The following ERC1 variants were observed in gnomAD, a reference collection of about 807,000 sequenced individuals.
The protein encoded by ERC1 is ELKS/RAB6-interacting/CAST family member 1.
A neutral mutation model predicts 132.0 loss-of-function variants in ERC1; 56 were observed. The observed-to-expected ratio is 0.42, with a 90% confidence interval of 0.34 to 0.53. The LOEUF (loss-of-function observed/expected upper bound fraction) is 0.53, where lower values mean the gene tolerates loss of function less well. Among genes scored for constraint, ERC1 ranks in the 20% least tolerant of loss-of-function variants. ERC1 has a pLI of 0.03. For synonymous variants in ERC1, 478 were observed against 476.1 expected (o/e 1.00, Z -0.05); for missense variants, 1,202 against 1,349.9 (o/e 0.89, Z 1.72).
intron 5 of ERC1, 54 bp downstream of exon 5, chr12:1,110,401 T>C: frequency 1.4e-6 from 2 of 1,437,704 alleles, no homozygotes; most frequent in Non-Finnish European, 1.9e-6. Context: ...AATTGATGCA[T>C]ATTTTTTACT....
chr12:1,167,499 C>T (rs933695884), intron 8 of ERC1, among the ~76,000 whole-genome samples: 1 of 152,148 alleles, frequency 6.6e-6, no homozygotes, highest in African/African-American at 2.4e-5. Flanking sequence ...TTTCCTGCTA[C>T]ACCAGTATGT....
chr12:1,020,483 C>T (rs776157953), intron 1 of ERC1, among the ~76,000 whole-genome samples: 2 of 152,070 alleles, frequency 1.3e-5, no homozygotes, highest in Admixed American at 6.6e-5. Context: ...AAGAAACAAA[C>T]ATCTCAGATT....
At chr12:1,480,092 CT>C (rs59619383) in intron 18 of ERC1, among the ~76,000 whole-genome samples, 60,324 of 138,066 alleles carry the variant, frequency 0.44, 13,544 homozygotes, top group African/African-American at 0.63. Context: ...TGGAAAGGGG[CT>C]TTTTTTTTTT....
At chr12:1,213,202 T>C (rs1212534348) in intron 12 of ERC1, among the ~76,000 whole-genome samples, 2 of 152,216 alleles carry the variant, frequency 1.3e-5, no homozygotes, top group Admixed American at 1.3e-4. Context: ...TCTTTTGGCT[T>C]CCATTTTGAC....
chr12:1,164,389 C>G (rs929880927), intron 8 of ERC1, among the ~76,000 whole-genome samples: 4 of 151,926 alleles, frequency 2.6e-5, no homozygotes, highest in Non-Finnish European at 4.4e-5. Flanking sequence ...GTTGCCCAGC[C>G]TGGAGTGCAG....
chr12:1,415,368 C>T (rs1340083752), intron 17 of ERC1, among the ~76,000 whole-genome samples: 1 of 152,204 alleles, frequency 6.6e-6, no homozygotes, highest in Non-Finnish European at 1.5e-5. Flanking sequence ...CCTATTAGAT[C>T]AGCACTGTAG....
chr12:1,103,151 C>T (rs558729099), intron 3 of ERC1, among the ~76,000 whole-genome samples: 18 of 152,234 alleles, frequency 1.2e-4, no homozygotes, highest in African/African-American at 2.6e-4. Flanking sequence ...AACAACTAAA[C>T]CTAATACTAA....
chr12:1,463,971 C>T (rs2093692494), intron 18 of ERC1, among the ~76,000 whole-genome samples: 1 of 151,942 alleles, frequency 6.6e-6, no homozygotes, highest in African/African-American at 2.4e-5. Flanking sequence ...AGACAGGGTA[C>T]TAAGTTGGAC....
At chr12:1,132,363 G>A (rs1190997760) in intron 7 of ERC1, among the ~76,000 whole-genome samples, 2 of 152,110 alleles carry the variant, frequency 1.3e-5, no homozygotes, top group African/African-American at 4.8e-5. Flanking sequence ...TTGTATCAAA[G>A]CCTGTGTTTC....
chr12:1,451,518 G>A (rs766648751), intron 18 of ERC1, among the ~76,000 whole-genome samples: 1 of 152,080 alleles, frequency 6.6e-6, no homozygotes, highest in Non-Finnish European at 1.5e-5. Flanking sequence ...CCACCTACTC[G>A]GGAGGCCCAG....
At chr12:1,013,030 A>G (rs1186936625) in intron 1 of ERC1, among the ~76,000 whole-genome samples, 1 of 152,172 alleles carries the variant, frequency 6.6e-6, no homozygotes, top group Non-Finnish European at 1.5e-5. Context: ...GTGAACAGGT[A>G]CATCTGTTTT....
chr12:1,363,157 C>G (rs1178494020), intron 15 of ERC1, among the ~76,000 whole-genome samples: 1 of 152,070 alleles, frequency 6.6e-6, no homozygotes, highest in Non-Finnish European at 1.5e-5. Flanking sequence ...GAATACAGTT[C>G]ATTTTTATAT....
rs564970567 is a variant in ERC1 at position 1,311,936 on chromosome 12, T to C, written c.2780+21924T>C. Among the ~76,000 whole-genome samples the C allele has an allele frequency of 3.3e-5, 5 of 152,356 alleles. No individual in the cohort carries two copies. In the South Asian group the frequency reaches 1.0e-3, roughly 32 times the overall value. On this transcript the variant is annotated intron_variant, in intron 15 of 18. Coordinates refer to ENST00000360905, the MANE Select transcript of ERC1 (RefSeq NM_178040.4). ...TTTATATGATTGAATTTCCACTATG[T>C]AAAATTAAACTAATTATTTCTTATG... is the stretch of plus-strand genomic sequence containing the variant.
chr12:1,400,998 T>C (rs142281707), intron 16 of ERC1, among the ~76,000 whole-genome samples: 3,746 of 137,526 alleles, frequency 0.027, 78 homozygotes, highest in South Asian at 0.097. Context: ...TGCAGTGGCG[T>C]GATCTGGGCT....
At chr12:1,347,708 G>A (rs1163771571) in intron 15 of ERC1, among the ~76,000 whole-genome samples, 2 of 152,212 alleles carry the variant, frequency 1.3e-5, no homozygotes, top group African/African-American at 2.4e-5. Flanking sequence ...ACAAGGCTGG[G>A]CACAGTTGCT....
intron 15 of ERC1, among the ~76,000 whole-genome samples, chr12:1,351,231 T>C (rs1010361856): frequency 1.4e-4 from 22 of 152,254 alleles, no homozygotes; most frequent in African/African-American, 5.3e-4. Flanking sequence ...CTCTGAAATA[T>C]AGTCTAGTCC....
chr12:1,073,756 C>T (rs1436919742), intron 2 of ERC1, among the ~76,000 whole-genome samples: 1 of 152,196 alleles, frequency 6.6e-6, no homozygotes, highest in African/African-American at 2.4e-5. Context: ...GTATGTACCA[C>T]ACTTTTATAT....
chr12:1,006,117 T>C (rs1963526357), intron 1 of ERC1, among the ~76,000 whole-genome samples: 1 of 151,992 alleles, frequency 6.6e-6, no homozygotes, highest in African/African-American at 2.4e-5. Flanking sequence ...CCACCACACC[T>C]GGCTCATTTT....
chr12:994,837 C>T (rs1297537789), intron 1 of ERC1, among the ~76,000 whole-genome samples: 1 of 152,108 alleles, frequency 6.6e-6, no homozygotes, highest in African/African-American at 2.4e-5. Context: ...TGGCTCACGC[C>T]TGTAATCCCA....
Sources: gnomAD v4.1 joint callset for allele counts (sites outside exome capture counted in the v4.1 genomes callset) on GRCh38, gnomAD v4.1.1 for gene constraint, MANE v1.5 for transcripts, NCBI Gene and HGNC (gene_info 2026-07-23, HGNC 2026-07-21) for gene names.